LRP1B: variants seen among roughly 807,000 people sequenced by gnomAD.
LRP1B encodes the protein LDL receptor related protein 1B, also known as low-density lipoprotein receptor-related protein 1B.
Under a neutral mutation model 556.6 loss-of-function variants are expected in LRP1B, and 217 were observed. That is an observed-to-expected ratio of 0.39 (90% CI 0.35 to 0.44). The LOEUF (loss-of-function observed/expected upper bound fraction) is 0.44, where lower values mean the gene tolerates loss of function less well. Ranked by LOEUF, LRP1B falls within the 20% of genes least tolerant of loss-of-function variation. The probability of loss-of-function intolerance (pLI) is 1.00; values close to 1 mark genes in which losing one functional copy is unlikely to be tolerated. For missense variants in LRP1B, 5,053 were observed against 5,620.8 expected (o/e 0.90, Z 3.23); for synonymous variants, 2,047 against 1,865.8 (o/e 1.10, Z -2.50).
intron 3 of LRP1B, among the ~76,000 whole-genome samples, chr2:141,408,382 G>C (rs1296883778): frequency 6.6e-6 from 1 of 151,900 alleles, no homozygotes; most frequent in Non-Finnish European, 1.5e-5. Context: ...CTGACCTCGT[G>C]ATCTGACCGC....
At chr2:140,800,910 T>C (rs1690485028) in intron 32 of LRP1B, among the ~76,000 whole-genome samples, 1 of 152,168 alleles carries the variant, frequency 6.6e-6, no homozygotes, top group South Asian at 2.1e-4. Flanking sequence ...ATATCTTAAC[T>C]TTTTATTTTA....
intron 3 of LRP1B, among the ~76,000 whole-genome samples, chr2:141,442,317 G>A (rs1257896117): frequency 6.6e-6 from 1 of 151,536 alleles, no homozygotes; most frequent in African/African-American, 2.4e-5. Context: ...TTTTACAAAA[G>A]ATTTACTTTT....
intron 2 of LRP1B, among the ~76,000 whole-genome samples, chr2:141,628,404 C>T (rs902824909): frequency 6.6e-6 from 1 of 151,992 alleles, no homozygotes; most frequent in Non-Finnish European, 1.5e-5. Context: ...CAAAAGCAAA[C>T]TGTACTCACT....
At chr2:141,786,233 A>G (rs1427157275) in intron 2 of LRP1B, among the ~76,000 whole-genome samples, 1 of 151,986 alleles carries the variant, frequency 6.6e-6, no homozygotes, top group African/African-American at 2.4e-5. Flanking sequence ...TATTTTTTCT[A>G]CAATAAAAGG....
Position 141,431,698 on chromosome 2 carries a change from ATTAAG to A in LRP1B, c.343+48693_343+48697del, listed in dbSNP as rs563238879. On this transcript the variant is annotated intron_variant, in intron 3 of 90. Coordinates refer to ENST00000389484, the MANE Select transcript of LRP1B (RefSeq NM_018557.3). ...AGGATATATGTTTCTCATATCTTTT[ATTAAG>A]TTAATTCAAGAAAATATCTGATTTT... Among the ~76,000 whole-genome samples the A allele has an allele frequency of 2.4e-4, 37 of 152,184 alleles. No homozygotes were observed. In the East Asian group the frequency reaches 5.2e-3, roughly 21 times the overall value.
intron 43 of LRP1B, among the ~76,000 whole-genome samples, chr2:140,550,804 T>A (rs908117177): frequency 2.6e-5 from 4 of 152,204 alleles, no homozygotes; most frequent in Admixed American, 6.6e-5. Context: ...AAAAGTCATC[T>A]GTAATAGTAT....
At chr2:140,284,776 G>T (rs1683060926) in intron 84 of LRP1B, among the ~76,000 whole-genome samples, 1 of 131,726 alleles carries the variant, frequency 7.6e-6, no homozygotes, top group Non-Finnish European at 1.6e-5. Flanking sequence ...TGAAAAGTTA[G>T]ATGATAGATA....
At chr2:141,432,325 G>T (rs556629954) in intron 3 of LRP1B, among the ~76,000 whole-genome samples, 13 of 151,884 alleles carry the variant, frequency 8.6e-5, no homozygotes, top group Non-Finnish European at 1.8e-4. Flanking sequence ...GTTATATGTC[G>T]TTAGCTTTGG....
intron 41 of LRP1B, among the ~76,000 whole-genome samples, chr2:140,694,269 C>T (rs1439185436): frequency 1.3e-5 from 2 of 152,144 alleles, no homozygotes; most frequent in East Asian, 3.9e-4. Context: ...TACGCCATTA[C>T]TTTATATTTT....
chr2:142,067,084 C>G (rs1035826508), intron 1 of LRP1B, among the ~76,000 whole-genome samples: 4 of 151,442 alleles, frequency 2.6e-5, no homozygotes, highest in Non-Finnish European at 4.4e-5. Flanking sequence ...CTTCTCACAT[C>G]TCATCATTCC....
intron 1 of LRP1B, among the ~76,000 whole-genome samples, chr2:142,040,103 T>C (rs1704013304): frequency 6.6e-6 from 1 of 151,488 alleles, no homozygotes; most frequent in South Asian, 2.1e-4. Flanking sequence ...ACTAGTACCA[T>C]AAAGAATGAA....
intron 84 of LRP1B, among the ~76,000 whole-genome samples, chr2:140,285,362 CACAT>C (rs1186691143): frequency 3.3e-5 from 5 of 150,382 alleles, no homozygotes; most frequent in East Asian, 2.0e-4. Context: ...TACATATATA[CACAT>C]ACATATATAT....
chr2:141,890,367 ATATATAGTG>A (rs1699251492), intron 1 of LRP1B, among the ~76,000 whole-genome samples: 1 of 106,372 alleles, frequency 9.4e-6, no homozygotes, highest in South Asian at 2.7e-4. Context: ...GTGCATATAT[ATATATAGTG>A]TGTATACATA....
At chr2:140,271,390 C>T (rs1682453432) in intron 85 of LRP1B, among the ~76,000 whole-genome samples, 1 of 151,882 alleles carries the variant, frequency 6.6e-6, no homozygotes, top group East Asian at 1.9e-4. Flanking sequence ...ATCGATTGAT[C>T]ACTTTGATCC....
intron 57 of LRP1B, among the ~76,000 whole-genome samples, chr2:140,489,044 T>C (rs1278568129): frequency 6.6e-6 from 1 of 152,038 alleles, no homozygotes; most frequent in Non-Finnish European, 1.5e-5. Context: ...AGGCTAATGA[T>C]TACTCTTCAG....
intron 1 of LRP1B, among the ~76,000 whole-genome samples, chr2:142,080,109 AC>A (rs1038437619): frequency 1.2e-4 from 18 of 145,742 alleles, no homozygotes; most frequent in East Asian, 8.2e-4. Context: ...AAAAAAAAAA[AC>A]CCCACAAAGA....
At chr2:141,304,475 A>ATTT (rs67213971) in intron 3 of LRP1B, among the ~76,000 whole-genome samples, 6 of 83,848 alleles carry the variant, frequency 7.2e-5, no homozygotes, top group African/African-American at 2.3e-4. Flanking sequence ...AGTTTCATTC[A>ATTT]TTTTTTTTTT....
chr2:141,090,749 A>G (rs1700152891), intron 7 of LRP1B, among the ~76,000 whole-genome samples: 1 of 152,324 alleles, frequency 6.6e-6, no homozygotes, highest in Admixed American at 6.5e-5. Context: ...AAATGTTTTG[A>G]AGCTGCTTCT....
chr2:140,750,943 A>T (rs1263286252), intron 35 of LRP1B, among the ~76,000 whole-genome samples: 1 of 152,008 alleles, frequency 6.6e-6, no homozygotes, highest in Non-Finnish European at 1.5e-5. Context: ...CTATGACCTG[A>T]ACATAAAATT....
Sources: gnomAD v4.1 joint callset for allele counts (sites outside exome capture counted in the v4.1 genomes callset) on GRCh38, gnomAD v4.1.1 for gene constraint, MANE v1.5 for transcripts, NCBI Gene and HGNC (gene_info 2026-07-23, HGNC 2026-07-21) for gene names.